Variants in FRMD6 observed in about 807,000 individuals in gnomAD.
FRMD6 encodes FERM domain containing 6, also known as FERM domain-containing protein 6.
Under a neutral mutation model 73.2 loss-of-function variants are expected in FRMD6, and 37 were observed. The observed-to-expected ratio is 0.51, with a 90% confidence interval of 0.39 to 0.66. The LOEUF (loss-of-function observed/expected upper bound fraction) is 0.66, where lower values mean the gene tolerates loss of function less well. Among genes scored for constraint, FRMD6 ranks in the 30% least tolerant of loss-of-function variants. The probability of loss-of-function intolerance (pLI) is 0.00; values close to 1 mark genes in which losing one functional copy is unlikely to be tolerated. For missense variants in FRMD6, 714 were observed against 780.5 expected (o/e 0.91, Z 1.02); for synonymous variants, 273 against 282.2 (o/e 0.97, Z 0.33).
At chr14:51,499,751 G>A (rs1883495827) in intron 1 of FRMD6, among the ~76,000 whole-genome samples, 1 of 152,170 alleles carries the variant, frequency 6.6e-6, no homozygotes, top group Non-Finnish European at 1.5e-5. Context: ...TCAGGTATTC[G>A]GTCCTTGGGT....
the FRMD6 span, among the ~76,000 whole-genome samples, chr14:51,433,607 C>T: frequency 1.3e-5 from 2 of 151,962 alleles, no homozygotes; most frequent in Non-Finnish European, 1.5e-5. Context: ...TTTGCTAACC[C>T]GACGGGGAAT....
the FRMD6 span, among the ~76,000 whole-genome samples, chr14:51,423,462 G>T: frequency 2.0e-5 from 3 of 152,250 alleles, no homozygotes; most frequent in Admixed American, 2.0e-4. Context: ...GCATGGTGGT[G>T]TTACTATGAC....
At chr14:51,422,251 C>G in the FRMD6 span, among the ~76,000 whole-genome samples, 1 of 152,156 alleles carries the variant, frequency 6.6e-6, no homozygotes, top group Non-Finnish European at 1.5e-5. Context: ...GACTTTCCCC[C>G]TTACTTACCA....
chr14:51,572,213 G>A (rs1888170695), intron 2 of FRMD6, among the ~76,000 whole-genome samples: 1 of 152,208 alleles, frequency 6.6e-6, no homozygotes, highest in Admixed American at 6.5e-5. Flanking sequence ...CCAGCCCTTG[G>A]AGCAAAATTT....
At chr14:51,398,520 GTTAA>G in the FRMD6 span, among the ~76,000 whole-genome samples, 14 of 151,466 alleles carry the variant, frequency 9.2e-5, no homozygotes, top group Non-Finnish European at 2.9e-5. Flanking sequence ...CACAAACAAT[GTTAA>G]TTAAATAGCC....
chr14:51,710,064 C>A (rs997006511), intron 7 of FRMD6, among the ~76,000 whole-genome samples: 1 of 152,086 alleles, frequency 6.6e-6, no homozygotes, highest in Non-Finnish European at 1.5e-5. Context: ...TTTAAAGAAT[C>A]CTATTAAGAA....
chr14:51,511,237 C>A (rs1369366287), intron 1 of FRMD6, among the ~76,000 whole-genome samples: 1 of 152,100 alleles, frequency 6.6e-6, no homozygotes, highest in East Asian at 1.9e-4. Flanking sequence ...TTACTTGTAA[C>A]CTTGGCAGCA....
At chr14:51,575,033 C>G (rs2139616738) in intron 2 of FRMD6, among the ~76,000 whole-genome samples, 1 of 152,214 alleles carries the variant, frequency 6.6e-6, no homozygotes, top group East Asian at 1.9e-4. Context: ...ATGTGTTGCT[C>G]TCATGTAAGA....
chr14:51,546,046 G>A (rs771003071), intron 1 of FRMD6, among the ~76,000 whole-genome samples: 26 of 152,078 alleles, frequency 1.7e-4, no homozygotes, highest in East Asian at 3.9e-4. Context: ...ACAGCTCATC[G>A]AAATTCCATT....
At chr14:51,493,679 G>A in intron 1 of FRMD6, among the ~76,000 whole-genome samples, 1 of 152,154 alleles carries the variant, frequency 6.6e-6, no homozygotes, top group East Asian at 1.9e-4. Context: ...AAATGTCAAT[G>A]AAATGACATA....
At chr14:51,501,173 G>A (rs898533634) in intron 1 of FRMD6, among the ~76,000 whole-genome samples, 1 of 152,160 alleles carries the variant, frequency 6.6e-6, no homozygotes, top group Non-Finnish European at 1.5e-5. Flanking sequence ...CTCCTGACTT[G>A]CTGCTTCATT....
intron 3 of FRMD6, 46 bp from the exon 4 acceptor site, chr14:51,701,010 A>T: frequency 1.0e-6 from 1 of 967,084 alleles, no homozygotes; most frequent in Non-Finnish European, 1.5e-6. Flanking sequence ...TTTTTCTTTT[A>T]AAAATCCTTT....
the FRMD6 span, among the ~76,000 whole-genome samples, chr14:51,403,666 T>G: frequency 6.6e-6 from 1 of 152,172 alleles, no homozygotes; most frequent in Admixed American, 6.5e-5. Flanking sequence ...CCTCCCAAAG[T>G]GCTCGGATTA....
At chr14:51,647,746 CTT>C (rs1293741212), upstream of FRMD6, among the ~76,000 whole-genome samples, 1 of 152,148 alleles carries the variant, frequency 6.6e-6, no homozygotes, top group Non-Finnish European at 1.5e-5. Context: ...AAATCACTGA[CTT>C]CTCTCTTAGA....
chr14:51,716,177 G>A (rs564827543), intron 10 of FRMD6, among the ~76,000 whole-genome samples: 171 of 152,238 alleles, frequency 1.1e-3, no homozygotes, highest in Non-Finnish European at 2.1e-3. Flanking sequence ...TGTAACATCC[G>A]ACTTCAACTT....
intron 2 of FRMD6, among the ~76,000 whole-genome samples, chr14:51,591,391 A>G (rs1381581041): frequency 6.6e-6 from 1 of 152,250 alleles, no homozygotes; most frequent in Non-Finnish European, 1.5e-5. Context: ...ACTTAGAAGT[A>G]TGACAATTTG....
Position 51,505,898 on chromosome 14 carries a change from T to G in FRMD6, c.-210+16478T>G, listed in dbSNP as rs557505416. ...ATTGCAAATGACCTTTTTATTGGTC[T>G]TTCTCCCTTCATCTCCCTGTTTCTA... On this transcript the variant is annotated intron_variant, in intron 1 of 14. Coordinates refer to the FRMD6 transcript ENST00000356218. 1.3e-3 allele frequency among the ~76,000 whole-genome samples: 196 copies of G among 152,294 alleles called. 1 individual carries two copies. Among genetic ancestry groups the G allele is most frequent in the African/African-American group, 4.5e-3 (187 of 41,554 alleles).
chr14:51,543,684 A>G (rs958383310), intron 1 of FRMD6, among the ~76,000 whole-genome samples: 1 of 152,030 alleles, frequency 6.6e-6, no homozygotes, highest in African/African-American at 2.4e-5. Context: ...GGAGATTTCT[A>G]TAGGAGAATG....
At chr14:51,573,776 A>T (rs1888261821) in intron 2 of FRMD6, among the ~76,000 whole-genome samples, 1 of 152,200 alleles carries the variant, frequency 6.6e-6, no homozygotes, top group African/African-American at 2.4e-5. Context: ...TAGGAGGCAG[A>T]TGACTACTTA....
Sources: allele counts gnomAD v4.1 joint callset (sites outside exome capture counted in the v4.1 genomes callset), GRCh38; gene constraint gnomAD v4.1.1; transcripts MANE v1.5; gene names NCBI Gene and HGNC (gene_info 2026-07-23, HGNC 2026-07-21).